BNC2: variants seen among roughly 807,000 people sequenced by gnomAD.
BNC2 encodes the protein basonuclin zinc finger protein 2.
A neutral mutation model predicts 76.3 loss-of-function variants in BNC2; 20 were observed. The observed-to-expected ratio is 0.26, with a 90% CI of 0.18 to 0.38. BNC2 has a LOEUF of 0.38. Among genes scored for constraint, BNC2 ranks in the 10% least tolerant of loss-of-function variants. BNC2 has a pLI of 1.00. For missense variants in BNC2, 1,382 were observed against 1,399.8 expected (o/e 0.99, Z 0.20); for synonymous variants, 582 against 514.8 (o/e 1.13, Z -1.77).
intron 5 of BNC2, among the ~76,000 whole-genome samples, chr9:16,469,953 C>T (rs1015912706): frequency 2.0e-5 from 3 of 150,866 alleles, no homozygotes; most frequent in Non-Finnish European, 4.4e-5. Flanking sequence ...AATTTCTAAG[C>T]AGCAAAGCAC....
Position 16,779,989 on chromosome 9 carries a change from C to T in BNC2, c.4-41504G>A, listed in dbSNP as rs755113900. Among the ~76,000 whole-genome samples, 10 of 152,258 alleles carry T rather than the reference C, an allele frequency of 6.6e-5. No homozygotes were observed. In the Middle Eastern group the frequency reaches 0.02, roughly 311 times the overall value. On this transcript the variant is annotated intron_variant, in intron 1 of 6. Coordinates refer to ENST00000380672, the MANE Select transcript of BNC2 (RefSeq NM_017637.6). ...TGGTGGCTCACGCCTGTGATCCCAG[C>T]ACTTTGGGAGGCCGAGGCGGGCGGA...
At chr9:16,869,413 T>TTGTG (rs35846044) in intron 1 of BNC2, among the ~76,000 whole-genome samples, 48 of 150,364 alleles carry the variant, frequency 3.2e-4, no homozygotes, top group East Asian at 3.9e-4. Flanking sequence ...GCTCTTGCTT[T>TTGTG]TGTGTGTGTG....
At chr9:16,618,188 T>C (rs1030049409) in intron 3 of BNC2, among the ~76,000 whole-genome samples, 3 of 152,166 alleles carry the variant, frequency 2.0e-5, no homozygotes, top group South Asian at 4.1e-4. Flanking sequence ...TTGGCTACAC[T>C]GGCTCTGTGA....
rs542833640 is a variant in BNC2, at chr9:16,801,138, C to A, written c.4-62653G>T. On this transcript the variant is annotated intron_variant, in intron 1 of 6. Transcript: ENST00000380672. ...ATCCCCTACACAATTCTCCGTATTT[C>A]TGATTTCTTCCTCCTTTTTCACATG... is the stretch of plus-strand genomic sequence containing the variant. Among the ~76,000 whole-genome samples the A allele has an allele frequency of 3.9e-5, 6 of 152,250 alleles. No individual in the cohort carries two copies. The South Asian group carries it at 1.2e-3, about 32-fold the overall frequency.
At chr9:16,804,927 T>G (rs1471176873) in intron 1 of BNC2, among the ~76,000 whole-genome samples, 2 of 152,018 alleles carry the variant, frequency 1.3e-5, no homozygotes, top group African/African-American at 4.8e-5. Context: ...CCGGGTGTGG[T>G]GGCATGCGCC....
rs561732513 is a variant in BNC2, at chr9:16,833,348, A to G, written c.3+37298T>C. Among the ~76,000 whole-genome samples, 4 of 152,300 alleles carry G rather than the reference A, an allele frequency of 2.6e-5. 1 individual carries two copies. In the South Asian group the frequency reaches 8.3e-4, roughly 32 times the overall value. ...GTAAGCATTTTACCAGGATCGTCAA[A>G]AAGTAAAGACCCACTTTGAGTCTGA... is the stretch of plus-strand genomic sequence containing the variant. On this transcript the variant is annotated intron_variant, in intron 1 of 6. Coordinates refer to ENST00000380672, the MANE Select transcript of BNC2 (RefSeq NM_017637.6).
In BNC2 at chr9:16,414,805, G is replaced by C. The variant is rs1258577523; in HGVS notation, c.*4184C>G. On this transcript the variant is annotated 3_prime_UTR_variant, in exon 7 of 7. Coordinates refer to ENST00000380672, the MANE Select transcript of BNC2 (RefSeq NM_017637.6). ...TTCTCATTTGCTTGGCACATATCTG[G>C]GGTGTGTACAGAGAAAGGGGAAAAA... 1 of 152,168 alleles carries C rather than the reference G, an allele frequency of 6.6e-6. No individual in the cohort carries two copies. Among genetic ancestry groups the C allele is most frequent in the East Asian group, 1.9e-4 (1 of 5,198 alleles). 9.4% of individuals were successfully genotyped at this position (152,168 alleles called of 1,614,324 possible).
At chr9:16,830,858 C>A (rs753236815) in intron 1 of BNC2, among the ~76,000 whole-genome samples, 2 of 152,178 alleles carry the variant, frequency 1.3e-5, no homozygotes, top group South Asian at 4.2e-4. Context: ...GAGGAATACC[C>A]TAAGGATTCT....
chr9:16,560,032 G>A (rs79342670), intron 4 of BNC2, among the ~76,000 whole-genome samples: 2,518 of 152,300 alleles, frequency 0.017, 84 homozygotes, highest in African/African-American at 0.056. Flanking sequence ...GACTACTGTA[G>A]GTAGACGGAA....
chr9:16,481,780 A>G (rs142143076), intron 5 of BNC2, among the ~76,000 whole-genome samples: 113 of 125,794 alleles, frequency 9.0e-4, no homozygotes, highest in African/African-American at 3.3e-3. Flanking sequence ...TATTTGGAAA[A>G]GAAAGTACAG....
chr9:16,685,409 T>A (rs1402798501), intron 3 of BNC2: 1 of 427,240 alleles, frequency 2.3e-6, no homozygotes, highest in Non-Finnish European at 4.7e-6. Context: ...TGGCTGCACA[T>A]ACGCTACACT....
intron 3 of BNC2, among the ~76,000 whole-genome samples, chr9:16,682,776 C>T (rs888329453): frequency 6.6e-6 from 1 of 152,112 alleles, no homozygotes; most frequent in African/African-American, 2.4e-5. Context: ...CCAAGTCAAA[C>T]CTCACATCCT....
At chr9:16,458,555 T>C (rs944770962) in intron 5 of BNC2, among the ~76,000 whole-genome samples, 4 of 152,212 alleles carry the variant, frequency 2.6e-5, no homozygotes, top group African/African-American at 9.7e-5. Flanking sequence ...AGTCATGAGA[T>C]AATTTAGGGA....
intron 5 of BNC2, among the ~76,000 whole-genome samples, chr9:16,504,792 T>C (rs1822591812): frequency 6.6e-6 from 1 of 152,122 alleles, no homozygotes; most frequent in Non-Finnish European, 1.5e-5. Flanking sequence ...GGTTGCAGTG[T>C]GCCATGACCG....
intron 1 of BNC2, among the ~76,000 whole-genome samples, chr9:16,847,847 T>C (rs1819026292): frequency 6.6e-6 from 1 of 152,182 alleles, no homozygotes; most frequent in Non-Finnish European, 1.5e-5. Flanking sequence ...AGTTGATTAT[T>C]TAAAATAAAG....
intron 2 of BNC2, among the ~76,000 whole-genome samples, chr9:16,729,122 A>C (rs984415226): frequency 1.1e-4 from 16 of 152,184 alleles, no homozygotes; most frequent in African/African-American, 3.9e-4. Context: ...TTAATTAAAC[A>C]AGTCTTAAAA....
intron 3 of BNC2, chr9:16,704,782 G>C (rs899781863): frequency 2.6e-5 from 4 of 151,914 alleles, no homozygotes; most frequent in Non-Finnish European, 5.9e-5. Context: ...CCAGCCAGTG[G>C]TGCAAGGTTA....
intron 3 of BNC2, among the ~76,000 whole-genome samples, chr9:16,670,187 G>C (rs1822433737): frequency 6.6e-6 from 1 of 151,958 alleles, no homozygotes; most frequent in South Asian, 2.1e-4. Flanking sequence ...TACCTATTCG[G>C]GTTCCTAGGA....
chr9:16,519,310 T>C (rs1050825768), intron 5 of BNC2, among the ~76,000 whole-genome samples: 10 of 152,166 alleles, frequency 6.6e-5, no homozygotes, highest in African/African-American at 2.2e-4. Flanking sequence ...GTAGCCCTAG[T>C]TGAATGGATC....
Sources: gnomAD v4.1 joint callset for allele counts (sites outside exome capture counted in the v4.1 genomes callset) on GRCh38, gnomAD v4.1.1 for gene constraint, MANE v1.5 for transcripts, NCBI Gene and HGNC (gene_info 2026-07-23, HGNC 2026-07-21) for gene names.